The following KCNC2 variants were observed in gnomAD, a reference collection of about 807,000 sequenced individuals.
KCNC2 encodes the protein potassium voltage-gated channel subfamily C member 2.
A neutral mutation model predicts 44.5 loss-of-function variants in KCNC2; 21 were observed. The observed-to-expected ratio is 0.47, with a 90% CI of 0.33 to 0.68. The LOEUF (loss-of-function observed/expected upper bound fraction) is 0.68. Among genes scored for constraint, KCNC2 ranks in the 30% least tolerant of loss-of-function variants. The pLI is 0.01. For missense variants in KCNC2, 589 were observed against 826.2 expected (o/e 0.71, Z 3.52); for synonymous variants, 391 against 339.1 (o/e 1.15, Z -1.68).
In KCNC2 at chr12:75,173,290, CTA is replaced by C. The variant is rs532913898; in HGVS notation, c.687+34005_687+34006del. Among the ~76,000 whole-genome samples the C allele has an allele frequency of 1.9e-3, 287 of 151,938 alleles. 1 individual carries two copies. Among genetic ancestry groups the C allele is most frequent in the African/African-American group, 6.5e-3 (268 of 41,504 alleles). ...TCTAAAATTACTTGGTTCTGCATTT[CTA>C]TGTCTGATATAGAGATATAGAAGAA... On this transcript the variant is annotated intron_variant, in intron 2 of 4. Coordinates refer to ENST00000549446, the MANE Select transcript of KCNC2 (RefSeq NM_139137.4).
At chr12:75,049,294 T>C (rs75929966) in intron 3 of KCNC2, among the ~76,000 whole-genome samples, 1,855 of 152,236 alleles carry the variant, frequency 0.012, 27 homozygotes, top group African/African-American at 0.035. Context: ...TTTTTGTTAG[T>C]TTGCTTTGTT....
At chr12:75,081,372 C>CT (rs1005780046) in intron 2 of KCNC2, among the ~76,000 whole-genome samples, 25 of 126,234 alleles carry the variant, frequency 2.0e-4, no homozygotes, top group East Asian at 4.8e-4. Flanking sequence ...CACTGCCATT[C>CT]TTTTTTTTTT....
At chr12:75,081,589 C>T (rs1327955622) in intron 2 of KCNC2, among the ~76,000 whole-genome samples, 1 of 151,946 alleles carries the variant, frequency 6.6e-6, no homozygotes, top group African/African-American at 2.4e-5. Context: ...AATATTTTAT[C>T]AGCAAACAGC....
chr12:75,174,544 G>A (rs966783582), intron 2 of KCNC2, among the ~76,000 whole-genome samples: 1 of 151,978 alleles, frequency 6.6e-6, no homozygotes, highest in South Asian at 2.1e-4. Flanking sequence ...GTCTGAAAAT[G>A]TTCCATATGT....
intron 2 of KCNC2, among the ~76,000 whole-genome samples, chr12:75,119,458 A>G (rs73355607): frequency 0.079 from 12,020 of 152,240 alleles, 769 homozygotes; most frequent in African/African-American, 0.17. Flanking sequence ...GTAATATAAT[A>G]TTATAATAAT....
Position 75,100,572 on chromosome 12 carries a change from C to T in KCNC2, c.688-49255G>A, listed in dbSNP as rs137906807. Among the ~76,000 whole-genome samples, 7 of 151,996 alleles carry T rather than the reference C, an allele frequency of 4.6e-5. No homozygotes were observed. The East Asian group carries it at 1.4e-3, about 29-fold the overall frequency. The stretch of plus-strand genomic sequence containing the variant: ...TTATAAACCTTTAACTTTTCAAATG[C>T]TTTATTTACATTACTATCATATATT... On this transcript the variant is annotated intron_variant, in intron 2 of 4. Transcript: ENST00000549446.
intron 2 of KCNC2, among the ~76,000 whole-genome samples, chr12:75,192,877 A>G (rs2030418002): frequency 6.6e-6 from 1 of 152,202 alleles, no homozygotes; most frequent in African/African-American, 2.4e-5. Context: ...ATAATGCATT[A>G]TATATTTTGA....
At chr12:75,070,018 G>A (rs1883240797) in intron 2 of KCNC2, among the ~76,000 whole-genome samples, 1 of 152,162 alleles carries the variant, frequency 6.6e-6, no homozygotes, top group Non-Finnish European at 1.5e-5. Flanking sequence ...TATCTCTCTG[G>A]TTCCTTTACT....
chr12:75,143,635 T>G (rs1229550880), intron 2 of KCNC2, among the ~76,000 whole-genome samples: 1 of 152,180 alleles, frequency 6.6e-6, no homozygotes, highest in African/African-American at 2.4e-5. Flanking sequence ...AAGGTTCTAA[T>G]AGAAATCCCT....
intron 2 of KCNC2, among the ~76,000 whole-genome samples, chr12:75,131,150 C>G (rs111281840): frequency 4.6e-5 from 7 of 152,112 alleles, no homozygotes; most frequent in African/African-American, 1.7e-4. Context: ...TAACTAATTA[C>G]AAAGTGACTC....
At chr12:75,199,601 T>C (rs552093948) in intron 2 of KCNC2, among the ~76,000 whole-genome samples, 2 of 151,928 alleles carry the variant, frequency 1.3e-5, no homozygotes, top group African/African-American at 4.8e-5. Context: ...GGAAATTGTT[T>C]TTTCTGTATT....
intron 2 of KCNC2, among the ~76,000 whole-genome samples, chr12:75,087,003 C>T (rs1885085938): frequency 6.6e-6 from 1 of 151,970 alleles, no homozygotes; most frequent in Admixed American, 6.6e-5. Context: ...GTACCAAGTT[C>T]TCTGTTAGGT....
At chr12:75,126,758 CAAG>C (rs1376681388) in intron 2 of KCNC2, among the ~76,000 whole-genome samples, 4 of 151,986 alleles carry the variant, frequency 2.6e-5, no homozygotes, top group Non-Finnish European at 4.4e-5. Flanking sequence ...AAGTTATAAA[CAAG>C]AACATTCAGG....
chr12:75,142,818 C>T (rs963675434), intron 2 of KCNC2, among the ~76,000 whole-genome samples: 3 of 152,144 alleles, frequency 2.0e-5, no homozygotes, highest in Non-Finnish European at 4.4e-5. Context: ...TCTTTTATGA[C>T]CTAACCTGAG....
At chr12:75,105,119 G>T (rs539324513) in intron 2 of KCNC2, among the ~76,000 whole-genome samples, 2 of 152,192 alleles carry the variant, frequency 1.3e-5, no homozygotes, top group African/African-American at 4.8e-5. Flanking sequence ...ATAAAGCAAA[G>T]AAGTTGAATA....
chr12:75,079,472 A>G (rs1358028929), intron 2 of KCNC2, among the ~76,000 whole-genome samples: 1 of 152,192 alleles, frequency 6.6e-6, no homozygotes, highest in Non-Finnish European at 1.5e-5. Flanking sequence ...TGTTGACTAC[A>G]TGAATGAGCA....
At chr12:75,047,803 AT>A in intron 4 of KCNC2, among the ~76,000 whole-genome samples, 1 of 152,084 alleles carries the variant, frequency 6.6e-6, no homozygotes, top group Admixed American at 6.6e-5. Context: ...AGTGAGTTTT[AT>A]TTTTTGCAGT....
At chr12:75,133,257 T>C (rs1888981874) in intron 2 of KCNC2, among the ~76,000 whole-genome samples, 1 of 152,040 alleles carries the variant, frequency 6.6e-6, no homozygotes, top group Non-Finnish European at 1.5e-5. Flanking sequence ...TAGTTTACTG[T>C]ATATTTCAAA....
chr12:75,193,539 G>C (rs181630322), intron 2 of KCNC2, among the ~76,000 whole-genome samples: 3 of 152,208 alleles, frequency 2.0e-5, no homozygotes, highest in African/African-American at 4.8e-5. Context: ...TCTATAAATA[G>C]AGTAGGGAAT....
Sources: gnomAD v4.1 joint callset for allele counts (sites outside exome capture counted in the v4.1 genomes callset) on GRCh38, gnomAD v4.1.1 for gene constraint, MANE v1.5 for transcripts, NCBI Gene and HGNC (gene_info 2026-07-23, HGNC 2026-07-21) for gene names.